Variants in CYTH3 observed in about 807,000 individuals in gnomAD.
The protein encoded by CYTH3 is cytohesin 3, also known as cytohesin-3.
In CYTH3, 23 loss-of-function variants were observed where a neutral mutation model predicts 55.1. The ratio of observed to expected loss-of-function variants is 0.42; its 90% CI spans 0.30 to 0.59. The LOEUF is 0.59. Among genes scored for constraint, CYTH3 ranks in the 20% least tolerant of loss-of-function variants. The probability of loss-of-function intolerance (pLI) is 0.20; values close to 1 mark genes in which losing one functional copy is unlikely to be tolerated. For synonymous variants in CYTH3, 249 were observed against 194.9 expected, an observed-to-expected ratio of 1.28 and a Z score of -2.31; for missense variants, 413 against 524.8, an observed-to-expected ratio of 0.79 and a Z score of 2.08.
chr7:6,267,970 A>C (rs1160851500), intron 1 of CYTH3, among the ~76,000 whole-genome samples: 1 of 152,216 alleles, frequency 6.6e-6, no homozygotes, highest in Non-Finnish European at 1.5e-5. Flanking sequence ...AAAAATAAAA[A>C]GGCGCATAGT....
At chr7:6,256,588 T>C (rs1780130325) in intron 1 of CYTH3, among the ~76,000 whole-genome samples, 3 of 152,156 alleles carry the variant, frequency 2.0e-5, no homozygotes, top group Non-Finnish European at 4.4e-5. Flanking sequence ...CAGACTCCTC[T>C]CCTGAGAAGG....
rs759126338 is a variant in CYTH3 at position 6,170,518 on chromosome 7, C to A, written c.823+17G>T. 14 of 1,612,160 alleles carry A rather than the reference C, an allele frequency of 8.7e-6. No individual in the cohort carries two copies. The South Asian group carries it at 1.4e-4, about 16-fold the overall frequency. The stretch of plus-strand genomic sequence containing the variant: ...GCAGAGGGGTCACGCCCGGGTCCCG[C>A]TGGGCCGGCGGCTCACCCAGCTTCA... On this transcript the variant is annotated intron_variant, in intron 9 of 12. Transcript: ENST00000350796. The surrounding 1 kb of genome is among the most constrained non-coding windows in gnomAD (Gnocchi z 7.8).
At position 6,167,511 on chromosome 7, in the gene CYTH3, G is replaced by A. The variant is rs3793202; in HGVS notation, c.824-1701C>T. Among the ~76,000 whole-genome samples, 39,754 of 152,250 alleles carry A rather than the reference G, an allele frequency of 0.26. 7,283 individuals carry two copies. The highest frequency in any genetic ancestry group is 0.53 in the African/African-American group (21,850 of 41,524). On this transcript the variant is annotated intron_variant, in intron 9 of 12. Transcript: ENST00000350796. The surrounding 1 kb of genome is among the most constrained non-coding windows in gnomAD (Gnocchi z 5.5). The stretch of plus-strand genomic sequence containing the variant: ...CTCCAGAGCAGGCCCCGCTCCAGCT[G>A]CACTGGTGCCAGCTGCCATCCCCCA...
Position 6,272,461 on chromosome 7 carries a change from C to A in CYTH3, c.34+13G>T. 1 of 1,370,374 alleles carries A rather than the reference C, an allele frequency of 7.3e-7. No individual in the cohort carries two copies. Among genetic ancestry groups the A allele is most frequent in the Non-Finnish European group, 9.5e-7 (1 of 1,052,766 alleles). 84.9% of individuals were successfully genotyped at this position (1,370,374 alleles called of 1,614,324 possible). On this transcript the variant is annotated intron_variant, in intron 1 of 12. Transcript: ENST00000350796. ...CAGGCCGCCGGCGAGCCCACCACAC[C>A]TCCGACACTCACCGCCACCACCCTC...
chr7:6,228,648 C>T (rs992360551), intron 1 of CYTH3, among the ~76,000 whole-genome samples: 9 of 152,318 alleles, frequency 5.9e-5, no homozygotes, highest in Admixed American at 3.9e-4. Flanking sequence ...TTTAACATTT[C>T]GCTTCTGGAA....
chr7:6,214,542 G>A (rs1784386774), intron 1 of CYTH3, among the ~76,000 whole-genome samples: 1 of 152,132 alleles, frequency 6.6e-6, no homozygotes, highest in Non-Finnish European at 1.5e-5. Context: ...CCAAAGAGAA[G>A]TGTCATTTTC....
intron 1 of CYTH3, among the ~76,000 whole-genome samples, chr7:6,205,600 G>C (rs1326026930): frequency 6.6e-6 from 1 of 151,946 alleles, no homozygotes; most frequent in Non-Finnish European, 1.5e-5. Context: ...AACAAGAAAA[G>C]AAGAGAAAGA....
chr7:6,173,592 C>T, intron 6 of CYTH3, 61 bp downstream of exon 6: 1 of 1,078,650 alleles, frequency 9.3e-7, no homozygotes, highest in South Asian at 1.3e-5. Flanking sequence ...CCACTGCTGC[C>T]CAGGCAGTGG....
At position 6,170,356 on chromosome 7, in the gene CYTH3, C is replaced by T; in HGVS notation, c.823+179G>A. On this transcript the variant is annotated intron_variant, in intron 9 of 12. Coordinates refer to ENST00000350796, the MANE Select transcript of CYTH3 (RefSeq NM_004227.4). This position sits in a 1 kb window ranked among gnomAD's most constrained non-coding sequence, Gnocchi z 7.8. ...CGCGGGCATGGCTCTGAGGCCCCGG[C>T]TCGGAGAAGCAGCCGTGGCCATGCA... The T allele has an allele frequency of 3.2e-6, 2 of 619,318 alleles. No homozygotes were observed. Among genetic ancestry groups the T allele is most frequent in the Non-Finnish European group, 5.5e-6 (2 of 361,550 alleles). 38.4% of individuals were successfully genotyped at this position (619,318 alleles called of 1,614,324 possible).
chr7:6,268,022 C>T (rs1038634953), intron 1 of CYTH3, among the ~76,000 whole-genome samples: 3 of 152,168 alleles, frequency 2.0e-5, no homozygotes, highest in Admixed American at 6.5e-5. Flanking sequence ...CCACTCAGTT[C>T]CCATCATCTT....
At chr7:6,175,091 T>C (rs961755573) in intron 5 of CYTH3, among the ~76,000 whole-genome samples, 2 of 152,194 alleles carry the variant, frequency 1.3e-5, no homozygotes, top group South Asian at 4.1e-4. Flanking sequence ...TACATCTAGA[T>C]TATATAAGGA....
intron 4 of CYTH3, among the ~76,000 whole-genome samples, chr7:6,179,627 CCACA>C (rs1293871867): frequency 8.8e-6 from 1 of 113,108 alleles, no homozygotes; most frequent in East Asian, 2.7e-4. Context: ...CACACACCCC[CCACA>C]TACACCTCAC....
chr7:6,201,374 T>C (rs1275897457), intron 1 of CYTH3, among the ~76,000 whole-genome samples: 1 of 152,216 alleles, frequency 6.6e-6, no homozygotes, highest in Non-Finnish European at 1.5e-5. Context: ...CGCCACCTCC[T>C]TGGAACCTTC....
intron 1 of CYTH3, among the ~76,000 whole-genome samples, chr7:6,259,820 AT>A (rs1419068537): frequency 7.7e-4 from 20 of 26,030 alleles, no homozygotes; most frequent in East Asian, 1.3e-3. Flanking sequence ...TATAATATAT[AT>A]ATATATATAT....
chr7:6,190,023 G>A lies in CYTH3; in HGVS notation c.117+426C>T, dbSNP rs559212548. The stretch of plus-strand genomic sequence containing the variant: ...TGCACTCCAGCCTGGGCAACAGAGC[G>A]AGACTCTGTCTCAAAAAAGCAAAAA... On this transcript the variant is annotated intron_variant, in intron 2 of 12. Transcript: ENST00000350796. 4.2e-4 allele frequency among the ~76,000 whole-genome samples: 64 copies of A among 152,220 alleles called. No homozygotes were observed. In the Middle Eastern group the frequency reaches 0.01, roughly 24 times the overall value.
chr7:6,258,916 T>C (rs2115057306), intron 1 of CYTH3, among the ~76,000 whole-genome samples: 1 of 152,300 alleles, frequency 6.6e-6, no homozygotes, highest in East Asian at 1.9e-4. Flanking sequence ...GAATGTGAAA[T>C]AATAAATGCA....
rs147226015 is a variant in CYTH3 at position 6,266,723 on chromosome 7, C to A, written c.34+5751G>T. On this transcript the variant is annotated intron_variant, in intron 1 of 12. Coordinates refer to ENST00000350796, the MANE Select transcript of CYTH3 (RefSeq NM_004227.4). ...TCCCTGGCCACGGGCTTTCCCTACA[C>A]CTCTCCCATCCCACACTTTCTCTTC... 5.6e-3 allele frequency among the ~76,000 whole-genome samples: 850 copies of A among 152,332 alleles called. 6 individuals carry two copies. Among genetic ancestry groups the A allele is most frequent in the African/African-American group, 0.019 (808 of 41,574 alleles).
intron 4 of CYTH3, among the ~76,000 whole-genome samples, chr7:6,181,559 G>A (rs1436013671): frequency 6.6e-6 from 1 of 152,122 alleles, no homozygotes; most frequent in African/African-American, 2.4e-5. Flanking sequence ...CTCTATCCAT[G>A]AGTTTTACAA....
chr7:6,250,286 T>C lies in CYTH3; in HGVS notation c.34+22188A>G, dbSNP rs1030778596. ...TTCATAAGATTATCAACTAAAGGAT[T>C]TCAATAGCAAGGATTTGATGTGGTC... is the stretch of plus-strand genomic sequence containing the variant. On this transcript the variant is annotated intron_variant, in intron 1 of 12. Coordinates refer to ENST00000350796, the MANE Select transcript of CYTH3 (RefSeq NM_004227.4). 2.0e-5 allele frequency among the ~76,000 whole-genome samples: 3 copies of C among 152,176 alleles called. No individual in the cohort carries two copies. In the East Asian group the frequency reaches 5.8e-4, roughly 29 times the overall value.
Sources: allele counts gnomAD v4.1 joint callset (sites outside exome capture counted in the v4.1 genomes callset), GRCh38; gene constraint gnomAD v4.1.1; non-coding constraint Gnocchi (gnomAD v3.1); transcripts MANE v1.5; gene names NCBI Gene and HGNC (gene_info 2026-07-23, HGNC 2026-07-21).